The following BTBD9 variants were observed in gnomAD, a reference collection of about 807,000 sequenced individuals.
BTBD9 encodes the protein BTB/POZ domain-containing protein 9.
Under a neutral mutation model 64.3 loss-of-function variants are expected in BTBD9, and 49 were observed. That is an observed-to-expected ratio of 0.76 (90% CI 0.61 to 0.97). The LOEUF (loss-of-function observed/expected upper bound fraction) is 0.97, where lower values mean the gene tolerates loss of function less well. Ranked by LOEUF, BTBD9 falls within the 50% of genes least tolerant of loss-of-function variation. The probability of loss-of-function intolerance (pLI) is 0.00; values close to 1 mark genes in which losing one functional copy is unlikely to be tolerated. For missense variants in BTBD9, 598 were observed against 762.1 expected, an observed-to-expected ratio of 0.78 and a Z score of 2.53; for synonymous variants, 260 against 274.7, an observed-to-expected ratio of 0.95 and a Z score of 0.53.
chr6:38,435,466 G>A (rs1419165262), intron 6 of BTBD9, among the ~76,000 whole-genome samples: 1 of 151,500 alleles, frequency 6.6e-6, no homozygotes, highest in African/African-American at 2.4e-5. Context: ...AGAAAAGCAT[G>A]GTTAAAGTTT....
intron 6 of BTBD9, among the ~76,000 whole-genome samples, chr6:38,496,494 A>G (rs1204465143): frequency 6.6e-6 from 1 of 151,744 alleles, no homozygotes; most frequent in Non-Finnish European, 1.5e-5. Flanking sequence ...AAAAAATTAA[A>G]TTAAATTAGC....
At chr6:38,420,282 A>G (rs186507922) in intron 6 of BTBD9, among the ~76,000 whole-genome samples, 32 of 152,312 alleles carry the variant, frequency 2.1e-4, no homozygotes, top group African/African-American at 7.0e-4. Context: ...GTTATTGTGC[A>G]TATTAAGGAC....
chr6:38,623,434 C>A (rs1229843192), intron 1 of BTBD9, among the ~76,000 whole-genome samples: 1 of 152,138 alleles, frequency 6.6e-6, no homozygotes, highest in African/African-American at 2.4e-5. Context: ...ATTTTTCAGA[C>A]AGTTTGCAAA....
intron 6 of BTBD9, among the ~76,000 whole-genome samples, chr6:38,396,005 G>A (rs1766654788): frequency 1.3e-5 from 2 of 152,084 alleles, no homozygotes; most frequent in Non-Finnish European, 2.9e-5. Flanking sequence ...CACCGCACCT[G>A]GCCTTGTTTT....
At chr6:38,218,362 GA>G (rs1763084703) in intron 9 of BTBD9, among the ~76,000 whole-genome samples, 1 of 152,186 alleles carries the variant, frequency 6.6e-6, no homozygotes, top group East Asian at 1.9e-4. Flanking sequence ...CTGAACTTCT[GA>G]AAGGCCTAAG....
intron 6 of BTBD9, among the ~76,000 whole-genome samples, chr6:38,440,175 G>C (rs1768962162): frequency 1.3e-5 from 2 of 152,162 alleles, no homozygotes; most frequent in Admixed American, 6.5e-5. Context: ...CTTGAGACTT[G>C]ATTGAGGTCA....
At chr6:38,510,072 T>C (rs1157399877) in intron 6 of BTBD9, among the ~76,000 whole-genome samples, 3 of 152,358 alleles carry the variant, frequency 2.0e-5, no homozygotes, top group Non-Finnish European at 4.4e-5. Flanking sequence ...TCTAGCCACA[T>C]TCCCTAAACA....
chr6:38,303,815 T>C (rs1237756339), intron 7 of BTBD9, among the ~76,000 whole-genome samples: 1 of 137,048 alleles, frequency 7.3e-6, no homozygotes, highest in African/African-American at 2.6e-5. Context: ...TCTAAGTTGC[T>C]AATATCTAGC....
At chr6:38,518,019 GAGTC>G (rs1022942468) in intron 6 of BTBD9, among the ~76,000 whole-genome samples, 1 of 152,052 alleles carries the variant, frequency 6.6e-6, no homozygotes, top group African/African-American at 2.4e-5. Flanking sequence ...AAAATACACT[GAGTC>G]AAAGAATGAC....
At chr6:38,257,642 C>A (rs1764639338) in intron 8 of BTBD9, among the ~76,000 whole-genome samples, 1 of 152,152 alleles carries the variant, frequency 6.6e-6, no homozygotes, top group Admixed American at 6.5e-5. Context: ...AATATACATT[C>A]ATTTGCAAAA....
chr6:38,549,839 C>A (rs1774718854), intron 6 of BTBD9, among the ~76,000 whole-genome samples: 1 of 152,198 alleles, frequency 6.6e-6, no homozygotes, highest in Non-Finnish European at 1.5e-5. Flanking sequence ...CAAGGGCATT[C>A]AGGATCTCCA....
At chr6:38,580,185 A>T (rs758117507) in intron 5 of BTBD9, 33 bp downstream of exon 5, 2 of 1,591,638 alleles carry the variant, frequency 1.3e-6, no homozygotes. Flanking sequence ...TCTCAAACAT[A>T]ATGTCAGTTT....
chr6:38,331,480 A>T (rs763991815), intron 7 of BTBD9, among the ~76,000 whole-genome samples: 20 of 152,198 alleles, frequency 1.3e-4, no homozygotes, highest in Non-Finnish European at 2.5e-4. Flanking sequence ...TCCCTCTCAA[A>T]AAGAAAAAAA....
chr6:38,240,176 T>C (rs924817165), intron 9 of BTBD9, among the ~76,000 whole-genome samples: 2 of 152,210 alleles, frequency 1.3e-5, no homozygotes, highest in African/African-American at 4.8e-5. Flanking sequence ...TCCATCTAGG[T>C]AGTAAGTACT....
intron 6 of BTBD9, among the ~76,000 whole-genome samples, chr6:38,489,574 C>T (rs1326459049): frequency 6.6e-6 from 1 of 152,080 alleles, no homozygotes; most frequent in African/African-American, 2.4e-5. Context: ...TTATACAATT[C>T]CATTGTGTGT....
chr6:38,538,815 G>A (rs887403468), intron 6 of BTBD9, among the ~76,000 whole-genome samples: 1 of 149,114 alleles, frequency 6.7e-6, no homozygotes, highest in Admixed American at 6.7e-5. Context: ...ACAGAGTCTT[G>A]CTCTGTAGCT....
Position 38,303,955 on chromosome 6 carries a change from A to G in BTBD9, c.1265-15494T>C, listed in dbSNP as rs868233831. Among the ~76,000 whole-genome samples the G allele has an allele frequency of 1.5e-3, 223 of 145,100 alleles. 2 individuals are homozygous for G. The highest frequency in any genetic ancestry group is 4.5e-3 in the African/African-American group (179 of 39,580). ...CACGTGTGTGTGTGTGTGTGTGTAT[A>G]TATATATATATGTGCTGGTGAATAG... On this transcript the variant is annotated intron_variant, in intron 7 of 10. Coordinates refer to ENST00000481247, the MANE Select transcript of BTBD9 (RefSeq NM_001099272.2).
At chr6:38,226,258 G>A (rs544561259) in intron 9 of BTBD9, among the ~76,000 whole-genome samples, 5 of 152,254 alleles carry the variant, frequency 3.3e-5, no homozygotes, top group East Asian at 3.9e-4. Flanking sequence ...ACTGATCCCC[G>A]CGCCTGCACA....
intron 7 of BTBD9, among the ~76,000 whole-genome samples, chr6:38,297,590 A>G (rs1284708164): frequency 6.6e-6 from 1 of 152,150 alleles, no homozygotes; most frequent in Admixed American, 6.6e-5. Context: ...TCAAGTAACT[A>G]TAACACCTTT....
Sources: allele counts gnomAD v4.1 joint callset (sites outside exome capture counted in the v4.1 genomes callset), GRCh38; gene constraint gnomAD v4.1.1; transcripts MANE v1.5; gene names NCBI Gene and HGNC (gene_info 2026-07-23, HGNC 2026-07-21).